The following SMARCA4 variants were observed in gnomAD, a reference collection of about 807,000 sequenced individuals.
SMARCA4 encodes SWI/SNF related BAF chromatin remodeling complex subunit ATPase 4, also known as SWI/SNF-related matrix-associated actin-dependent regulator of chromatin subfamily A member 4.
SMARCA4 carries 31 observed loss-of-function variants against 193.9 expected under a neutral mutation model. That is an observed-to-expected ratio of 0.16 (90% CI 0.12 to 0.22). The LOEUF (loss-of-function observed/expected upper bound fraction) is 0.22. Ranked by LOEUF, SMARCA4 falls within the 10% of genes least tolerant of loss-of-function variation. The pLI, the probability that SMARCA4 is intolerant of heterozygous loss-of-function variation, is 1.00. For missense variants in SMARCA4, 1,148 were observed against 2,296.0 expected (o/e 0.50, Z 10.22); for synonymous variants, 942 against 933.1 (o/e 1.01, Z -0.17).
chr19:11,022,054 GGCTGGGCCT>G, intron 19 of SMARCA4, 87 bp downstream of exon 19: 1 of 1,588,588 alleles, frequency 6.3e-7, no homozygotes, highest in Non-Finnish European at 8.6e-7. Flanking sequence ...AGCTACAGCT[GGCTGGGCCT>G]GTGCTGGGTG....
rs58486047 is a variant in SMARCA4 at position 11,033,135 on chromosome 19, C to G, written c.3547-155C>G. 0.095 allele frequency: 66,292 copies of G among 700,000 alleles called. 6,669 individuals carry two copies. Among genetic ancestry groups the G allele is most frequent in the East Asian group, 0.36 (13,253 of 36,998 alleles). 43.4% of individuals were successfully genotyped at this position (700,000 alleles called of 1,614,324 possible). ...GGACACATGGCGGCCCAGGCTCCACCAGCTCTGTTTTCATGCGGCGGCAGG... is the reference window on the plus strand; with the variant it reads ...GGACACATGGCGGCCCAGGCTCCACGAGCTCTGTTTTCATGCGGCGGCAGG... On this transcript the variant is annotated intron_variant, in intron 25 of 34. Coordinates refer to ENST00000344626, the MANE Select transcript of SMARCA4 (RefSeq NM_003072.5). The surrounding 1 kb of genome is among the most constrained non-coding windows in gnomAD (Gnocchi z 9.8).
intron 14 of SMARCA4, among the ~76,000 whole-genome samples, chr19:11,010,023 A>G (rs1045082753): frequency 4.0e-5 from 6 of 151,822 alleles, no homozygotes; most frequent in Non-Finnish European, 8.8e-5. Context: ...ATGGGGTTTC[A>G]CCATGTTGGC....
At position 11,031,124 on chromosome 19, in the gene SMARCA4, T is replaced by G; in HGVS notation, c.3546+231T>G. 1 of 572,296 alleles carries G rather than the reference T, an allele frequency of 1.7e-6. No homozygotes were observed. Among genetic ancestry groups the G allele is most frequent in the South Asian group, 1.9e-5 (1 of 51,294 alleles). The allele number at this position is 572,296 out of a possible 1,614,324, so 35.5% of individuals were successfully genotyped here. A position where few individuals can be genotyped will look rare whatever the true frequency, so the allele number is the denominator to read the frequency against. On this transcript the variant is annotated intron_variant, in intron 25 of 34. Coordinates refer to ENST00000344626, the MANE Select transcript of SMARCA4 (RefSeq NM_003072.5). This position sits in a 1 kb window ranked among gnomAD's most constrained non-coding sequence, Gnocchi z 4.3. ...TCCCTCTGATTGGGAAAGCAGTGTA[T>G]AAGCCATCCGTCGGTTTGGTTTTTC... is the stretch of plus-strand genomic sequence containing the variant.
rs762449855 is a variant in SMARCA4 at position 11,013,021 on chromosome 19, C to T, written c.2347C>T (p.Leu783=). Residue 783 remains leucine (L), a synonymous_variant, in exon 16 of 35, where the codon CTG becomes TTG. Transcript: ENST00000344626. ...CGGCATCCTGGCCGACGAGATGGGC[C>T]TGGGGAAGACCATCCAGACCATCGC... is the stretch of plus-strand genomic sequence containing the variant. ...LNGILADEMG[L]GKTIQTIALI... 79 of 1,614,002 alleles carry T rather than the reference C, an allele frequency of 4.9e-5. No individual in the cohort carries two copies. The South Asian group carries it at 7.9e-4, about 16-fold the overall frequency.
chr19:11,042,471 C>G (rs928169011), intron 30 of SMARCA4, among the ~76,000 whole-genome samples: 2 of 152,228 alleles, frequency 1.3e-5, no homozygotes, highest in African/African-American at 4.8e-5. Context: ...TATTTCACTT[C>G]CTGGTACACA....
intron 32 of SMARCA4, 123 bp downstream of exon 32, chr19:11,059,012 T>C (rs2076705440): frequency 1.3e-6 from 1 of 785,292 alleles, no homozygotes; most frequent in South Asian, 1.5e-5. Flanking sequence ...TGGTGGTTCG[T>C]GCCTGTAATC....
At chr19:11,026,922 G>A (rs1301970674) in intron 23 of SMARCA4, among the ~76,000 whole-genome samples, 1 of 152,206 alleles carries the variant, frequency 6.6e-6, no homozygotes, top group Non-Finnish European at 1.5e-5. Flanking sequence ...ACTCTAGACA[G>A]CTTTCTTAAC....
chr19:10,964,619 C>CT lies in SMARCA4; in HGVS notation c.-32+3458dup, dbSNP rs1439109300. Among the ~76,000 whole-genome samples the CT allele has an allele frequency of 5.4e-3, 741 of 137,380 alleles. 2 individuals are homozygous for CT. Among genetic ancestry groups the CT allele is most frequent in the African/African-American group, 0.012 (466 of 37,496 alleles). The allele number at this position is 137,380 out of a possible 152,430, so 90.1% of individuals were successfully genotyped here. On this transcript the variant is annotated intron_variant, in intron 1 of 34. Transcript: ENST00000344626. ...AAGTATGAGCCACCGCGCCCGGCCT[C>CT]TTTTTTTTTTTTTCTTATGAGACAG...
chr19:11,023,237 G>T (rs1020212474), intron 19 of SMARCA4, among the ~76,000 whole-genome samples: 2 of 152,232 alleles, frequency 1.3e-5, no homozygotes, highest in Non-Finnish European at 2.9e-5. Flanking sequence ...CCGCTGCCGG[G>T]GGTCTTTCTG....
rs2074904701 is a variant in SMARCA4, at chr19:11,031,179, G to A, written c.3546+286G>A. The stretch of plus-strand genomic sequence containing the variant: ...ATCTTGGAATGGCACCCATGAGGAG[G>A]TGGAAAGTATCCTGATCAATCTGCG... On this transcript the variant is annotated intron_variant, in intron 25 of 34. Transcript: ENST00000344626. The surrounding 1 kb of genome is among the most constrained non-coding windows in gnomAD (Gnocchi z 4.3). 2.2e-6 allele frequency: 1 copy of A among 456,108 alleles called. No individual in the cohort carries two copies. Among genetic ancestry groups the A allele is most frequent in the East Asian group, 4.3e-5 (1 of 23,162 alleles). The allele number at this position is 456,108 out of a possible 1,614,324, so 28.3% of individuals were successfully genotyped here.
intron 20 of SMARCA4, among the ~76,000 whole-genome samples, chr19:11,023,934 GC>G (rs34376318): frequency 2.0e-5 from 3 of 152,230 alleles, no homozygotes; most frequent in African/African-American, 4.8e-5. Context: ...GCTTGGGGTT[GC>G]CCCCCGGCCC....
At chr19:11,016,791 C>G (rs2089406157) in intron 16 of SMARCA4, among the ~76,000 whole-genome samples, 1 of 152,180 alleles carries the variant, frequency 6.6e-6, no homozygotes, top group Non-Finnish European at 1.5e-5. Flanking sequence ...GTTGGCTCTT[C>G]TGTCCTTTGA....
intron 11 of SMARCA4, among the ~76,000 whole-genome samples, chr19:10,997,482 T>C (rs982872523): frequency 5.9e-5 from 9 of 152,110 alleles, no homozygotes; most frequent in Non-Finnish European, 1.2e-4. Flanking sequence ...TGATCCACCA[T>C]GGCCAGCCAG....
At chr19:10,969,156 C>G (rs1232968407) in intron 1 of SMARCA4, among the ~76,000 whole-genome samples, 2 of 152,234 alleles carry the variant, frequency 1.3e-5, no homozygotes, top group Admixed American at 6.5e-5. Flanking sequence ...GGCCTCCACC[C>G]TCTACCTCAA....
At chr19:11,035,179 AG>A in intron 29 of SMARCA4, 47 bp downstream of exon 29, 2 of 1,546,364 alleles carry the variant, frequency 1.3e-6, no homozygotes, top group Non-Finnish European at 1.8e-6. Flanking sequence ...AGCGCCAGGC[AG>A]GGCTGGGGAG....
chr19:11,000,859 CAA>C (rs539982586), intron 11 of SMARCA4, among the ~76,000 whole-genome samples: 15 of 81,974 alleles, frequency 1.8e-4, no homozygotes, highest in Non-Finnish European at 1.3e-4. Context: ...GACTCTGTCT[CAA>C]AAAAAAAAAA....
intron 1 of SMARCA4, among the ~76,000 whole-genome samples, chr19:10,974,689 ATTTTTTTTTTTTTTT>A (rs74182450): frequency 8.1e-5 from 3 of 37,170 alleles, no homozygotes; most frequent in African/African-American, 4.5e-4. Context: ...ATATATATAT[ATTTTTTTTTTTTTTT>A]TTTTTTTTTT....
At chr19:11,003,556 A>G (rs1334862955) in intron 13 of SMARCA4, among the ~76,000 whole-genome samples, 159 bp downstream of exon 13, 1 of 152,104 alleles carries the variant, frequency 6.6e-6, no homozygotes, top group Non-Finnish European at 1.5e-5. Context: ...GAGCTGTCCT[A>G]TCCAATAGGG....
chr19:11,041,517 A>G lies in SMARCA4; in HGVS notation c.4381A>G (p.Lys1461Glu). 6.2e-7 allele frequency: 1 copy of G among 1,613,880 alleles called. No individual in the cohort carries two copies. The highest frequency in any genetic ancestry group is 8.5e-7 in the Non-Finnish European group (1 of 1,179,996). Residue 1461 changes from lysine to glutamate, a missense_variant, in exon 30 of 35, where the codon AAG becomes GAG. Physicochemically the swap from Lys to Glu is moderately conservative, Grantham distance 56 (BLOSUM62 1). This residue lies in a region of SMARCA4 where 141 missense variants were observed against 193.0 expected (regional missense o/e 0.73). Transcript: ENST00000344626. The surrounding 1 kb of genome is among the most constrained non-coding windows in gnomAD (Gnocchi z 5.6). ...CCCTAACCCACCCAACCTCACCAAGAAGATGAAGAAGATTGTGGATGCCGT... is the reference window on the plus strand; with the variant it reads ...CCCTAACCCACCCAACCTCACCAAGGAGATGAAGAAGATTGTGGATGCCGT... ...LSPNPPNLTK[K>E]MKKIVDAVIK...
Sources: gnomAD v4.1 joint callset for allele counts (sites outside exome capture counted in the v4.1 genomes callset) on GRCh38, gnomAD v4.1.1 for gene constraint, gnomAD v4.1.1 regional missense constraint, Gnocchi (gnomAD v3.1) non-coding constraint, MANE v1.5 for transcripts, NCBI Gene and HGNC (gene_info 2026-07-23, HGNC 2026-07-21) for gene names.